Variants in RIMBP2 observed in about 807,000 individuals in gnomAD.
RIMBP2 encodes the protein RIMS-binding protein 2.
RIMBP2 carries 48 observed loss-of-function variants against 118.6 expected under a neutral mutation model. The observed-to-expected ratio is 0.40, with a 90% CI of 0.32 to 0.51. The LOEUF is 0.51. RIMBP2 is among the 20% of genes least tolerant of loss of function. The pLI is 0.41. For synonymous variants in RIMBP2, 762 were observed against 742.9 expected (o/e 1.03, Z -0.42); for missense variants, 1,551 against 1,768.3 (o/e 0.88, Z 2.20).
In RIMBP2 at chr12:130,446,029, C is replaced by G. The variant is rs868595034; in HGVS notation, c.582-760G>C. Among the ~76,000 whole-genome samples the G allele has an allele frequency of 8.6e-4, 125 of 144,598 alleles. 4 individuals carry two copies. The highest frequency in any genetic ancestry group is 2.4e-3 in the South Asian group (11 of 4,546). The allele number at this position is 144,598 out of a possible 152,430, so 94.9% of individuals were successfully genotyped here. A position where few individuals can be genotyped will look rare whatever the true frequency, so the allele number is the denominator to read the frequency against. ...CGCATGATTTTATGCTCCCCCCCCC[C>G]ACACCCCCAGGAATATAAGAGTATC... On this transcript the variant is annotated intron_variant, in intron 9 of 22. Coordinates refer to ENST00000690449, the MANE Select transcript of RIMBP2 (RefSeq NM_001393629.1). This position sits in a 1 kb window ranked among gnomAD's most constrained non-coding sequence, Gnocchi z 4.1.
intron 2 of RIMBP2, among the ~76,000 whole-genome samples, chr12:130,547,598 A>G (rs2139663918): frequency 6.6e-6 from 1 of 152,368 alleles, no homozygotes; most frequent in African/African-American, 2.4e-5. Context: ...AACAGGGTAC[A>G]GAGATTACAT....
chr12:130,418,129 A>C (rs2076209208), intron 17 of RIMBP2, among the ~76,000 whole-genome samples: 1 of 152,234 alleles, frequency 6.6e-6, no homozygotes. Flanking sequence ...TAAAACACGC[A>C]GTCTAACAAA....
chr12:130,470,550 C>T, intron 6 of RIMBP2, 143 bp downstream of exon 6: 1 of 426,198 alleles, frequency 2.3e-6, no homozygotes, highest in Non-Finnish European at 4.0e-6. Flanking sequence ...GTGAGGATGA[C>T]ATGAGAAGAC....
At chr12:130,606,095 A>G (rs567903498) in intron 2 of RIMBP2, among the ~76,000 whole-genome samples, 12 of 150,370 alleles carry the variant, frequency 8.0e-5, no homozygotes, top group South Asian at 4.2e-4. Flanking sequence ...AAAAGAGAGG[A>G]AAAAAAAGCT....
At chr12:130,496,079 T>TA (rs1350690188) in intron 4 of RIMBP2, among the ~76,000 whole-genome samples, 1 of 152,206 alleles carries the variant, frequency 6.6e-6, no homozygotes, top group African/African-American at 2.4e-5. Context: ...TCCGTGCCTG[T>TA]AGCCATGTGA....
intron 1 of RIMBP2, among the ~76,000 whole-genome samples, chr12:130,697,148 G>A (rs1453062445): frequency 2.0e-5 from 3 of 152,216 alleles, no homozygotes; most frequent in Non-Finnish European, 4.4e-5. Flanking sequence ...CCAGACTGGA[G>A]GTACCTCAGG....
At chr12:130,656,657 C>CTA (rs2063442330) in intron 1 of RIMBP2, among the ~76,000 whole-genome samples, 3 of 152,170 alleles carry the variant, frequency 2.0e-5, no homozygotes, top group Non-Finnish European at 4.4e-5. Flanking sequence ...ACACCGTCTT[C>CTA]CCTCCACGTT....
rs569121081 is a variant in RIMBP2, at chr12:130,584,087, C to A, written c.-217+44235G>T. Among the ~76,000 whole-genome samples the A allele has an allele frequency of 2.0e-5, 3 of 151,840 alleles. No individual in the cohort carries two copies. The South Asian group carries it at 6.3e-4, about 32-fold the overall frequency. ...ACCATCACCACCATCACCTCACCAC[C>A]ATCACCTCATCACCATTACATCACC... On this transcript the variant is annotated intron_variant, in intron 2 of 22. Transcript: ENST00000690449.
chr12:130,537,544 G>A (rs1247941707), intron 2 of RIMBP2, among the ~76,000 whole-genome samples: 1 of 152,176 alleles, frequency 6.6e-6, no homozygotes, highest in Non-Finnish European at 1.5e-5. Context: ...CTGTAGAAGT[G>A]AGTATCCTGA....
chr12:130,441,414 A>C lies in RIMBP2; in HGVS notation c.1504+434T>G, dbSNP rs4759682. 4.8e-3 allele frequency among the ~76,000 whole-genome samples: 362 copies of C among 75,700 alleles called. 6 individuals are homozygous for C. Among genetic ancestry groups the C allele is most frequent in the South Asian group, 0.033 (50 of 1,524 alleles). The allele number at this position is 75,700 out of a possible 152,430, so 49.7% of individuals were successfully genotyped here. On this transcript the variant is annotated intron_variant, in intron 11 of 22. Transcript: ENST00000690449. The stretch of plus-strand genomic sequence containing the variant: ...AGACTCCATCTCAAATAATAATAAT[A>C]ATAATAATAATAATAATAATAATAA...
intron 21 of RIMBP2, among the ~76,000 whole-genome samples, chr12:130,405,200 A>AAC (rs946077632): frequency 6.6e-6 from 1 of 152,086 alleles, no homozygotes; most frequent in East Asian, 1.9e-4. Flanking sequence ...TGGAGAAGCA[A>AAC]ACACACACAC....
intron 14 of RIMBP2, chr12:130,428,605 G>T: frequency 3.1e-6 from 1 of 327,204 alleles, no homozygotes; most frequent in Non-Finnish European, 5.5e-6. Context: ...GGACAAGATA[G>T]AAAACCCACT....
At chr12:130,642,484 C>T (rs914800408) in intron 1 of RIMBP2, among the ~76,000 whole-genome samples, 2 of 152,136 alleles carry the variant, frequency 1.3e-5, no homozygotes, top group African/African-American at 4.8e-5. Context: ...GGGGTGTCGC[C>T]ATGTTGGCCA....
intron 4 of RIMBP2, among the ~76,000 whole-genome samples, chr12:130,490,618 T>G (rs1256917865): frequency 1.3e-5 from 2 of 152,096 alleles, no homozygotes; most frequent in Non-Finnish European, 2.9e-5. Context: ...GCAGGTTCGG[T>G]AAGTTCCAGC....
At chr12:130,562,980 C>T (rs946760080) in intron 2 of RIMBP2, among the ~76,000 whole-genome samples, 24 of 152,320 alleles carry the variant, frequency 1.6e-4, no homozygotes, top group African/African-American at 2.4e-4. Context: ...CTTGGTATGA[C>T]GGACGGCTGG....
intron 2 of RIMBP2, among the ~76,000 whole-genome samples, chr12:130,580,585 C>T (rs982630915): frequency 1.3e-5 from 2 of 152,228 alleles, no homozygotes; most frequent in African/African-American, 4.8e-5. Context: ...AATACATCGG[C>T]TTTATTTGAA....
chr12:130,518,215 G>A (rs1031355764), intron 2 of RIMBP2, among the ~76,000 whole-genome samples: 3 of 152,198 alleles, frequency 2.0e-5, no homozygotes, highest in South Asian at 2.1e-4. Flanking sequence ...GCCAATTGGA[G>A]TTGTTAATAA....
chr12:130,711,184 A>C (rs1170965190), intron 1 of RIMBP2, among the ~76,000 whole-genome samples: 3 of 152,220 alleles, frequency 2.0e-5, no homozygotes, highest in Non-Finnish European at 4.4e-5. Context: ...CGGAGGCTGC[A>C]GTGAGCTGAG....
At chr12:130,674,223 A>G (rs2064336628) in intron 1 of RIMBP2, among the ~76,000 whole-genome samples, 1 of 152,180 alleles carries the variant, frequency 6.6e-6, no homozygotes, top group Admixed American at 6.5e-5. Context: ...CTCCTGCTCC[A>G]GCCATGTAAG....
Sources: allele counts gnomAD v4.1 joint callset (sites outside exome capture counted in the v4.1 genomes callset), GRCh38; gene constraint gnomAD v4.1.1; non-coding constraint Gnocchi (gnomAD v3.1); transcripts MANE v1.5; gene names NCBI Gene and HGNC (gene_info 2026-07-23, HGNC 2026-07-21).